Variants in ARSB observed in about 807,000 individuals in gnomAD.
The protein encoded by ARSB is N-acetylgalactosamine-4-sulfatase.
In ARSB, 41 loss-of-function variants were observed where a neutral mutation model predicts 50.9. The observed-to-expected ratio is 0.81, with a 90% confidence interval of 0.63 to 1.04. The LOEUF (loss-of-function observed/expected upper bound fraction) is 1.04. ARSB is among the 50% of genes least tolerant of loss of function. The probability of loss-of-function intolerance (pLI) is 0.00; values close to 1 mark genes in which losing one functional copy is unlikely to be tolerated. For synonymous variants in ARSB, 269 were observed against 284.8 expected, an observed-to-expected ratio of 0.94 and a Z score of 0.56; for missense variants, 672 against 693.3, an observed-to-expected ratio of 0.97 and a Z score of 0.35.
chr5:78,838,005 C>T (rs1014233051), intron 6 of ARSB, among the ~76,000 whole-genome samples: 15 of 152,198 alleles, frequency 9.9e-5, no homozygotes, highest in South Asian at 2.1e-4. Flanking sequence ...TTTATTGCAT[C>T]TCAACTCTCC....
chr5:78,851,731 C>A (rs982632466), intron 5 of ARSB, among the ~76,000 whole-genome samples: 45 of 152,076 alleles, frequency 3.0e-4, no homozygotes, highest in East Asian at 1.3e-3. Flanking sequence ...TTGCTTTATG[C>A]ATCTGGGTGC....
At chr5:78,801,197 G>A (rs1471679040) in intron 6 of ARSB, among the ~76,000 whole-genome samples, 2 of 152,120 alleles carry the variant, frequency 1.3e-5, no homozygotes, top group Non-Finnish European at 2.9e-5. Context: ...TACTAATTAA[G>A]TTTCTAGGAT....
intron 4 of ARSB, among the ~76,000 whole-genome samples, chr5:78,918,774 A>C (rs1188716931): frequency 3.9e-5 from 6 of 152,262 alleles, no homozygotes; most frequent in Non-Finnish European, 8.8e-5. Context: ...TTAGCTAATT[A>C]GCAAGAACAT....
At chr5:78,855,782 G>A (rs1359623630) in intron 5 of ARSB, among the ~76,000 whole-genome samples, 1 of 152,124 alleles carries the variant, frequency 6.6e-6, no homozygotes, top group Non-Finnish European at 1.5e-5. Context: ...GGGCTGCTGG[G>A]ATCCTTTTGT....
In ARSB at chr5:78,852,595, T is replaced by A. The variant is rs1297979137; in HGVS notation, c.1143-13169A>T. Among the ~76,000 whole-genome samples the A allele has an allele frequency of 6.6e-5, 10 of 152,260 alleles. No individual in the cohort carries two copies. In the East Asian group the frequency reaches 1.9e-3, roughly 29 times the overall value. ...ATTTTCTGTATTTCCTGAATCTGAATGTTGGCCTGCCTTGCTAGATTGGGG... is the reference window on the plus strand; with the variant it reads ...ATTTTCTGTATTTCCTGAATCTGAAAGTTGGCCTGCCTTGCTAGATTGGGG... On this transcript the variant is annotated intron_variant, in intron 5 of 7. Transcript: ENST00000264914.
intron 4 of ARSB, among the ~76,000 whole-genome samples, chr5:78,923,834 T>C (rs957966867): frequency 6.6e-6 from 1 of 152,236 alleles, no homozygotes; most frequent in Non-Finnish European, 1.5e-5. Flanking sequence ...CAGCTTCATG[T>C]TGAGTCTACA....
Position 78,778,350 on chromosome 5 carries a change from A to G in ARSB, c.*2047T>C, listed in dbSNP as rs1299532585. The G allele has an allele frequency of 8.5e-5, 13 of 152,236 alleles. No individual in the cohort carries two copies. The highest frequency in any genetic ancestry group is 8.5e-4 in the Admixed American group (13 of 15,294). 9.4% of individuals were successfully genotyped at this position (152,236 alleles called of 1,614,324 possible). A position where few individuals can be genotyped will look rare whatever the true frequency, so the allele number is the denominator to read the frequency against. On this transcript the variant is annotated 3_prime_UTR_variant, in exon 8 of 8. Coordinates refer to ENST00000264914, the MANE Select transcript of ARSB (RefSeq NM_000046.5). ...CCTTCCAATAGTCTCATTTTAATAC[A>G]ATACAGGTTAGTAGTGACCAGAAAA...
chr5:78,909,456 C>A lies in ARSB; in HGVS notation c.899-23629G>T, dbSNP rs183221004. 8.5e-5 allele frequency among the ~76,000 whole-genome samples: 13 copies of A among 152,278 alleles called. No homozygotes were observed. In the East Asian group the frequency reaches 1.9e-3, roughly 23 times the overall value. On this transcript the variant is annotated intron_variant, in intron 4 of 7. Coordinates refer to ENST00000264914, the MANE Select transcript of ARSB (RefSeq NM_000046.5). ...ACTCCATTTTGATCTGTACCCTGAA[C>A]AATTGCTTTGCCCTGAGATGCTGTT... is the stretch of plus-strand genomic sequence containing the variant.
chr5:78,921,446 C>G (rs1238332331), intron 4 of ARSB, among the ~76,000 whole-genome samples: 1 of 152,100 alleles, frequency 6.6e-6, no homozygotes, highest in East Asian at 1.9e-4. Context: ...GTGTAAAAGA[C>G]TGTAAAACAT....
chr5:78,914,558 A>T (rs1321172945), intron 4 of ARSB, among the ~76,000 whole-genome samples: 1 of 152,224 alleles, frequency 6.6e-6, no homozygotes, highest in African/African-American at 2.4e-5. Flanking sequence ...GTGACCACCA[A>T]TCCTTCTCAA....
intron 4 of ARSB, among the ~76,000 whole-genome samples, chr5:78,952,744 C>T (rs527603147): frequency 6.6e-5 from 10 of 152,180 alleles, no homozygotes; most frequent in South Asian, 2.1e-4. Context: ...TTTAAGCCCA[C>T]GTACAATACA....
chr5:78,980,073 G>C (rs1752838110), intron 1 of ARSB, among the ~76,000 whole-genome samples: 1 of 152,178 alleles, frequency 6.6e-6, no homozygotes, highest in African/African-American at 2.4e-5. Flanking sequence ...AAGAAGGCTG[G>C]TGGTTTCCAA....
At chr5:78,816,088 ACAACAG>A in intron 6 of ARSB, 4 of 1,614,174 alleles carry the variant, frequency 2.5e-6, no homozygotes, top group Non-Finnish European at 3.4e-6. Context: ...GGTGGTAGCT[ACAACAG>A]CAGCGAGCAC....
At chr5:78,898,578 T>C (rs1043576122) in intron 4 of ARSB, among the ~76,000 whole-genome samples, 2 of 152,192 alleles carry the variant, frequency 1.3e-5, no homozygotes, top group Non-Finnish European at 2.9e-5. Context: ...TACCACACAC[T>C]TAGCAGCTTA....
At chr5:78,796,878 T>C (rs996552021) in intron 6 of ARSB, among the ~76,000 whole-genome samples, 1 of 132,560 alleles carries the variant, frequency 7.5e-6, no homozygotes, top group African/African-American at 3.4e-5. Context: ...GGTCTCGATC[T>C]CTTTTTTTTT....
chr5:78,925,353 A>C (rs1749998035), intron 4 of ARSB, among the ~76,000 whole-genome samples: 1 of 152,218 alleles, frequency 6.6e-6, no homozygotes, highest in Non-Finnish European at 1.5e-5. Context: ...TTCCAGTCAT[A>C]TACAGCAATA....
chr5:78,810,944 T>C (rs562651381), intron 6 of ARSB, among the ~76,000 whole-genome samples: 1 of 152,316 alleles, frequency 6.6e-6, no homozygotes, highest in East Asian at 1.9e-4. Flanking sequence ...AAATTAGCAA[T>C]ACAAGAAAAG....
chr5:78,952,082 T>C (rs1430343043), intron 4 of ARSB, among the ~76,000 whole-genome samples: 1 of 152,196 alleles, frequency 6.6e-6, no homozygotes, highest in Non-Finnish European at 1.5e-5. Flanking sequence ...TATCTATTAA[T>C]ATAGTATCAA....
intron 4 of ARSB, among the ~76,000 whole-genome samples, chr5:78,918,309 G>A (rs1041840767): frequency 2.0e-5 from 3 of 152,082 alleles, no homozygotes; most frequent in Non-Finnish European, 4.4e-5. Flanking sequence ...TTTCTACGTG[G>A]AATTAAACTT....
Sources: gnomAD v4.1 joint callset for allele counts (sites outside exome capture counted in the v4.1 genomes callset) on GRCh38, gnomAD v4.1.1 for gene constraint, MANE v1.5 for transcripts, NCBI Gene and HGNC (gene_info 2026-07-23, HGNC 2026-07-21) for gene names.